IGF2BP2: variants seen among roughly 807,000 people sequenced by gnomAD.
IGF2BP2 encodes the protein insulin like growth factor 2 mRNA binding protein 2, also known as insulin-like growth factor 2 mRNA-binding protein 2.
Under a neutral mutation model 75.8 loss-of-function variants are expected in IGF2BP2, and 17 were observed. That is an observed-to-expected ratio of 0.22 (90% confidence interval 0.15 to 0.34). The LOEUF is 0.34. Among genes scored for constraint, IGF2BP2 ranks in the 10% least tolerant of loss-of-function variants. The probability of loss-of-function intolerance (pLI) is 1.00; values close to 1 mark genes in which losing one functional copy is unlikely to be tolerated. For missense variants in IGF2BP2, 516 were observed against 772.4 expected, an observed-to-expected ratio of 0.67 and a Z score of 3.93; for synonymous variants, 288 against 295.6, an observed-to-expected ratio of 0.97 and a Z score of 0.26.
chr3:185,673,936 C>G (rs1030795894), intron 9 of IGF2BP2, among the ~76,000 whole-genome samples: 2 of 152,140 alleles, frequency 1.3e-5, no homozygotes, highest in African/African-American at 4.8e-5. Context: ...GTCAAGAACC[C>G]ACAGGAAGAA....
intron 2 of IGF2BP2, among the ~76,000 whole-genome samples, chr3:185,709,813 C>T (rs1230503474): frequency 2.6e-5 from 4 of 152,182 alleles, no homozygotes; most frequent in Non-Finnish European, 5.9e-5. Context: ...CAAGAGAGCA[C>T]CATCTCACCT....
intron 2 of IGF2BP2, among the ~76,000 whole-genome samples, chr3:185,785,704 T>C (rs936085875): frequency 1.6e-4 from 24 of 152,066 alleles, no homozygotes; most frequent in African/African-American, 5.8e-4. Context: ...CATATACCTG[T>C]AGTCCTAGCT....
chr3:185,739,376 T>C (rs1038632129), intron 2 of IGF2BP2, among the ~76,000 whole-genome samples: 4 of 152,220 alleles, frequency 2.6e-5, no homozygotes, highest in African/African-American at 9.6e-5. Context: ...AAAGATAGCA[T>C]TCCAATTACT....
At chr3:185,735,754 T>C (rs1728774033) in intron 2 of IGF2BP2, among the ~76,000 whole-genome samples, 1 of 152,152 alleles carries the variant, frequency 6.6e-6, no homozygotes, top group Non-Finnish European at 1.5e-5. Context: ...CCATAACTCT[T>C]AAATATTTCT....
At chr3:185,734,415 C>T (rs560290354) in intron 2 of IGF2BP2, among the ~76,000 whole-genome samples, 2 of 152,328 alleles carry the variant, frequency 1.3e-5, no homozygotes, top group African/African-American at 4.8e-5. Flanking sequence ...TATACATTTT[C>T]CTTACCTCCC....
At chr3:185,820,273 CAT>C (rs931084061) in intron 2 of IGF2BP2, among the ~76,000 whole-genome samples, 3 of 146,900 alleles carry the variant, frequency 2.0e-5, no homozygotes, top group East Asian at 2.0e-4. Context: ...CACACACACA[CAT>C]AATTTTTAAG....
intron 7 of IGF2BP2, among the ~76,000 whole-genome samples, chr3:185,678,925 T>A (rs1048994558): frequency 6.6e-6 from 1 of 152,302 alleles, no homozygotes; most frequent in Non-Finnish European, 1.5e-5. Context: ...ATTCATCTGA[T>A]AATAGTATAG....
At chr3:185,761,317 G>C (rs1732331806) in intron 2 of IGF2BP2, among the ~76,000 whole-genome samples, 1 of 152,180 alleles carries the variant, frequency 6.6e-6, no homozygotes, top group African/African-American at 2.4e-5. Flanking sequence ...CTTTAGTTTA[G>C]AGAACTAAAC....
chr3:185,709,692 T>C (rs1724529992), intron 2 of IGF2BP2, among the ~76,000 whole-genome samples: 2 of 152,184 alleles, frequency 1.3e-5, no homozygotes, highest in South Asian at 4.1e-4. Context: ...GCCCTAAATC[T>C]ACCAAGAGAG....
chr3:185,710,275 C>T (rs2149411489), intron 2 of IGF2BP2, among the ~76,000 whole-genome samples: 2 of 150,616 alleles, frequency 1.3e-5, no homozygotes, highest in Middle Eastern at 3.4e-3. Context: ...ACTGTTTCCA[C>T]AGACTGTGGG....
chr3:185,730,108 T>G (rs1029913575), intron 2 of IGF2BP2, among the ~76,000 whole-genome samples: 6 of 152,176 alleles, frequency 3.9e-5, no homozygotes, highest in African/African-American at 1.2e-4. Flanking sequence ...AGTTAATTTT[T>G]AGCCCTCACC....
At chr3:185,681,673 T>C (rs1181112886) in intron 7 of IGF2BP2, among the ~76,000 whole-genome samples, 3 of 152,122 alleles carry the variant, frequency 2.0e-5, no homozygotes, top group Non-Finnish European at 4.4e-5. Context: ...TCAAAATATA[T>C]TACAAAGCTA....
chr3:185,793,613 T>C (rs1004561604), intron 2 of IGF2BP2, among the ~76,000 whole-genome samples: 2 of 152,130 alleles, frequency 1.3e-5, no homozygotes, highest in African/African-American at 2.4e-5. Flanking sequence ...TTTGATATAA[T>C]TGACACATCA....
intron 2 of IGF2BP2, among the ~76,000 whole-genome samples, chr3:185,803,300 G>A (rs984727775): frequency 1.3e-5 from 2 of 152,164 alleles, no homozygotes; most frequent in African/African-American, 4.8e-5. Flanking sequence ...GCAGTGAGCC[G>A]AGATCATGCT....
chr3:185,654,984 C>CCT (rs1224746941), intron 12 of IGF2BP2, among the ~76,000 whole-genome samples: 1 of 152,132 alleles, frequency 6.6e-6, no homozygotes, highest in African/African-American at 2.4e-5. Flanking sequence ...CAAATGTGCC[C>CCT]CTCATTGTGG....
At chr3:185,767,890 A>G (rs1443286362) in intron 2 of IGF2BP2, 1 of 153,788 alleles carries the variant, frequency 6.5e-6, no homozygotes, top group Non-Finnish European at 1.5e-5. Context: ...AATGGCAAAA[A>G]CAGCAATTAC....
At chr3:185,791,757 C>T (rs1166871372) in intron 2 of IGF2BP2, among the ~76,000 whole-genome samples, 1 of 152,232 alleles carries the variant, frequency 6.6e-6, no homozygotes. Context: ...CCACTGACTG[C>T]TTATAGCATC....
intron 2 of IGF2BP2, among the ~76,000 whole-genome samples, chr3:185,732,274 C>T (rs1191400235): frequency 1.3e-5 from 2 of 152,208 alleles, no homozygotes; most frequent in East Asian, 3.8e-4. Context: ...CAGTACTTGG[C>T]ATGCAGAGCG....
chr3:185,764,914 G>A lies in IGF2BP2; in HGVS notation c.239+58239C>T, dbSNP rs577542586. On this transcript the variant is annotated intron_variant, in intron 2 of 15. Coordinates refer to ENST00000382199, the MANE Select transcript of IGF2BP2 (RefSeq NM_006548.6). The stretch of plus-strand genomic sequence containing the variant: ...GTGTAGGAGCAGAGGCCAAAATCTG[G>A]AAGGACACTGGCACGCCTCTTCTAC... 1.0e-3 allele frequency among the ~76,000 whole-genome samples: 158 copies of A among 152,250 alleles called. 2 individuals carry two copies. The highest frequency in any genetic ancestry group is 1.9e-3 in the Non-Finnish European group (128 of 68,028).
Sources: allele counts gnomAD v4.1 joint callset (sites outside exome capture counted in the v4.1 genomes callset), GRCh38; gene constraint gnomAD v4.1.1; transcripts MANE v1.5; gene names NCBI Gene and HGNC (gene_info 2026-07-23, HGNC 2026-07-21).